REPS1: variants seen among roughly 807,000 people sequenced by gnomAD.
The protein encoded by REPS1 is RALBP1 associated Eps domain containing 1, also known as ralBP1-associated Eps domain-containing protein 1.
In REPS1, 39 loss-of-function variants were observed where a neutral mutation model predicts 100.9. That is an observed-to-expected ratio of 0.39 (90% CI 0.30 to 0.50). The LOEUF is 0.50. Among genes scored for constraint, REPS1 ranks in the 20% least tolerant of loss-of-function variants. REPS1 has a pLI of 0.86. For missense variants in REPS1, 821 were observed against 968.5 expected, an observed-to-expected ratio of 0.85 and a Z score of 2.02; for synonymous variants, 324 against 340.3, an observed-to-expected ratio of 0.95 and a Z score of 0.53.
intron 1 of REPS1, among the ~76,000 whole-genome samples, chr6:138,986,806 T>TA (rs1266349894): frequency 6.6e-6 from 1 of 152,198 alleles, no homozygotes; most frequent in East Asian, 1.9e-4. Context: ...GCTTTAAACC[T>TA]ACAGGGTTTG....
intron 8 of REPS1, chr6:138,934,174 A>C: frequency 3.4e-6 from 1 of 298,112 alleles, no homozygotes; most frequent in South Asian, 2.8e-5. Flanking sequence ...CACAAATGTT[A>C]GTCTTTAAGA....
chr6:138,957,708 GGAA>G (rs1299774402), intron 1 of REPS1, among the ~76,000 whole-genome samples: 1 of 152,092 alleles, frequency 6.6e-6, no homozygotes, highest in Non-Finnish European at 1.5e-5. Flanking sequence ...AAAATAAAGA[GGAA>G]GAAGAACTCA....
chr6:138,984,168 C>T (rs2128517351), intron 1 of REPS1, among the ~76,000 whole-genome samples: 1 of 151,762 alleles, frequency 6.6e-6, no homozygotes, highest in African/African-American at 2.4e-5. Flanking sequence ...CAACCTCCTC[C>T]TCCTCCCAGG....
chr6:138,931,584 A>G (rs1023903791), intron 8 of REPS1, among the ~76,000 whole-genome samples: 59 of 152,330 alleles, frequency 3.9e-4, no homozygotes, highest in Non-Finnish European at 1.2e-4. Context: ...TTCTAAGATC[A>G]GAAATTATTT....
chr6:138,972,644 T>C (rs908030471), intron 1 of REPS1, among the ~76,000 whole-genome samples: 8 of 143,252 alleles, frequency 5.6e-5, no homozygotes, highest in Non-Finnish European at 1.1e-4. Context: ...GGCAGAGAAA[T>C]ACATGTGAGT....
Position 138,915,920 on chromosome 6 carries a change from G to A in REPS1, c.1658C>T (p.Pro553Leu). The A allele has an allele frequency of 6.2e-7, 1 of 1,614,050 alleles. No homozygotes were observed. Among genetic ancestry groups the A allele is most frequent in the African/African-American group, 1.3e-5 (1 of 75,040 alleles). ...TGATGATCTAGAATGAGAGGGCTGT[G>A]GCCTTGGAGGGGGAGGTGGTGGTGC... ...NTAPPPPPPR[P>L]QPSHSRSSSL... The change falls in exon 14 of 20, where the codon CCA becomes CTA. Residue 553 changes from proline to leucine, a missense_variant. This residue lies in a region of REPS1 where 757 missense variants were observed against 866.4 expected (regional missense o/e 0.87). Transcript: ENST00000450536.
intron 1 of REPS1, among the ~76,000 whole-genome samples, chr6:138,983,031 C>A (rs1785042098): frequency 6.6e-6 from 1 of 152,184 alleles, no homozygotes; most frequent in Admixed American, 6.5e-5. Context: ...ATGGGGAAGT[C>A]AAAATCAGAC....
chr6:138,973,571 T>A (rs1784446099), intron 1 of REPS1, among the ~76,000 whole-genome samples: 1 of 117,588 alleles, frequency 8.5e-6, no homozygotes, highest in Non-Finnish European at 2.0e-5. Flanking sequence ...CACAAGCGTG[T>A]CAGAAAGTAA....
intron 15 of REPS1, among the ~76,000 whole-genome samples, chr6:138,913,670 C>T (rs6919804): frequency 0.15 from 22,534 of 152,132 alleles, 1,766 homozygotes; most frequent in African/African-American, 0.17. Flanking sequence ...AATTCTTCAT[C>T]TCCTCTAAGA....
chr6:138,981,619 C>A (rs6905875), intron 1 of REPS1, among the ~76,000 whole-genome samples: 16,134 of 152,222 alleles, frequency 0.11, 1,104 homozygotes, highest in South Asian at 0.25. Context: ...GAGCAACTAA[C>A]CACAAGACTT....
chr6:138,969,181 G>A (rs1328090238), intron 1 of REPS1, among the ~76,000 whole-genome samples: 1 of 149,348 alleles, frequency 6.7e-6, no homozygotes, highest in Non-Finnish European at 1.5e-5. Flanking sequence ...GCCCTGGGAG[G>A]AAAACAAAAT....
chr6:138,950,672 A>G (rs1782959194), intron 1 of REPS1, among the ~76,000 whole-genome samples: 1 of 152,222 alleles, frequency 6.6e-6, no homozygotes. Flanking sequence ...AACATCTGAT[A>G]GGATTAGTCC....
intron 2 of REPS1, 73 bp from the exon 3 acceptor site, chr6:138,945,770 A>G: frequency 8.3e-7 from 1 of 1,208,176 alleles, no homozygotes; most frequent in Non-Finnish European, 1.1e-6. Context: ...ATAAGACATG[A>G]ATTAGATATT....
intron 13 of REPS1, chr6:138,916,278 T>C (rs989163750): frequency 1.6e-4 from 40 of 246,186 alleles, no homozygotes; most frequent in Non-Finnish European, 2.8e-4. Flanking sequence ...TGGAGTGCAG[T>C]GACACCATTT....
At chr6:138,920,103 C>A in intron 12 of REPS1, 112 bp downstream of exon 12, 1 of 614,390 alleles carries the variant, frequency 1.6e-6, no homozygotes. Flanking sequence ...AGGGTTCACT[C>A]TCCTCTACTT....
chr6:138,926,633 A>G, intron 9 of REPS1, 152 bp from the exon 10 acceptor site: 1 of 601,312 alleles, frequency 1.7e-6, no homozygotes, highest in Non-Finnish European at 3.0e-6. Context: ...TTCCGTCAAC[A>G]TTTTATATTT....
At chr6:138,910,356 A>T (rs886376308) in intron 17 of REPS1, among the ~76,000 whole-genome samples, 8 of 152,042 alleles carry the variant, frequency 5.3e-5, no homozygotes, top group African/African-American at 1.7e-4. Flanking sequence ...GGCAAAATAA[A>T]CCTCTTTTCT....
At chr6:138,923,550 G>A (rs905486633) in intron 10 of REPS1, among the ~76,000 whole-genome samples, 1 of 152,114 alleles carries the variant, frequency 6.6e-6, no homozygotes, top group Non-Finnish European at 1.5e-5. Context: ...AAAGACTAAC[G>A]CATTACACTT....
chr6:138,919,736 C>G (rs1780628874), intron 12 of REPS1, among the ~76,000 whole-genome samples: 1 of 152,178 alleles, frequency 6.6e-6, no homozygotes, highest in African/African-American at 2.4e-5. Flanking sequence ...TAAAATGGCA[C>G]TCTCTCCACC....
Sources: gnomAD v4.1 joint callset for allele counts (sites outside exome capture counted in the v4.1 genomes callset) on GRCh38, gnomAD v4.1.1 for gene constraint, gnomAD v4.1.1 regional missense constraint, MANE v1.5 for transcripts, NCBI Gene and HGNC (gene_info 2026-07-23, HGNC 2026-07-21) for gene names.